Variants in PRPF3 observed in about 807,000 individuals in gnomAD.
PRPF3 encodes the protein pre-mRNA processing factor 3, also known as U4/U6 small nuclear ribonucleoprotein Prp3.
PRPF3 carries 3 observed loss-of-function variants against 89.2 expected under a neutral mutation model. The observed-to-expected ratio is 0.03, with a 90% CI of 0.02 to 0.09. The LOEUF (loss-of-function observed/expected upper bound fraction) is 0.09. Ranked by LOEUF, PRPF3 falls within the 10% of genes least tolerant of loss-of-function variation. The pLI is 1.00. For missense variants in PRPF3, 463 were observed against 828.8 expected (o/e 0.56, Z 5.42); for synonymous variants, 270 against 289.1 (o/e 0.93, Z 0.67).
Position 150,338,265 on chromosome 1 carries a change from G to A in PRPF3, c.1141G>A (p.Glu381Lys). 1.2e-6 allele frequency: 2 copies of A among 1,614,068 alleles called. No homozygotes were observed. Among genetic ancestry groups the A allele is most frequent in the African/African-American group, 1.3e-5 (1 of 75,030 alleles). ...CATTGCTCCTAAGAAGGAGCTAAAG[G>A]AAGGAGATATTCCTGAAATTGAGTG... is the stretch of plus-strand genomic sequence containing the variant. ...ALIAPKKELK[E>K]GDIPEIEWWD... The change falls in exon 8 of 16, where the codon GAA becomes AAA. Residue 381 changes from glutamate (E) to lysine (K), a missense_variant. This residue lies in a region of PRPF3 where 261 missense variants were observed against 475.8 expected (regional missense o/e 0.55). Transcript: ENST00000324862.
chr1:150,325,940 C>A, intron 3 of PRPF3, 59 bp downstream of exon 3: 1 of 1,592,630 alleles, frequency 6.3e-7, no homozygotes. Flanking sequence ...AACAGAGTTG[C>A]TGAGCTTACC....
Position 150,324,874 on chromosome 1 carries a change from TTG to T in PRPF3, c.-48-19_-48-18del. ...CTTTAGTCTTTTCTTATTCTCTAAC[TTG>T]TCTCTTTTTTTTTTTTAGGTGTAGT... On this transcript the variant is annotated intron_variant, in intron 1 of 15. Coordinates refer to ENST00000324862, the MANE Select transcript of PRPF3 (RefSeq NM_004698.4). 1.6e-6 allele frequency: 2 copies of T among 1,256,364 alleles called. No individual in the cohort carries two copies. Among genetic ancestry groups the T allele is most frequent in the Non-Finnish European group, 2.1e-6 (2 of 940,568 alleles). 77.8% of individuals were successfully genotyped at this position (1,256,364 alleles called of 1,614,324 possible). A position where few individuals can be genotyped will look rare whatever the true frequency, so the allele number is the denominator to read the frequency against.
chr1:150,349,085 G>T, intron 14 of PRPF3, 72 bp from the exon 15 acceptor site: 1 of 1,198,592 alleles, frequency 8.3e-7, no homozygotes, highest in Non-Finnish European at 1.2e-6. Context: ...TAGAGAGTTT[G>T]GGTAGACTTG....
Position 150,337,846 on chromosome 1 carries a change from G to A in PRPF3, c.1036-314G>A, listed in dbSNP as rs376017110. Among the ~76,000 whole-genome samples, 12 of 152,028 alleles carry A rather than the reference G, an allele frequency of 7.9e-5. No homozygotes were observed. In the East Asian group the frequency reaches 1.2e-3, roughly 15 times the overall value. ...TCCCATCACTTTGGGAGGCCGAGGC[G>A]GGCAGATCACCTGAGGTCGGGAGTT... On this transcript the variant is annotated intron_variant, in intron 7 of 15. Transcript: ENST00000324862.
intron 14 of PRPF3, among the ~76,000 whole-genome samples, chr1:150,348,312 G>A (rs1177010324): frequency 6.6e-6 from 1 of 151,692 alleles, no homozygotes; most frequent in Non-Finnish European, 1.5e-5. Flanking sequence ...CCCAGGAAGC[G>A]GTTGCAGTGA....
chr1:150,346,936 C>A (rs997203015), intron 14 of PRPF3, among the ~76,000 whole-genome samples: 7 of 151,934 alleles, frequency 4.6e-5, no homozygotes, highest in Admixed American at 2.6e-4. Flanking sequence ...ACAAAAAGTA[C>A]AAAAATTAGC....
At chr1:150,340,843 C>T (rs1283408782) in intron 9 of PRPF3, among the ~76,000 whole-genome samples, 4 of 152,138 alleles carry the variant, frequency 2.6e-5, no homozygotes, top group South Asian at 2.1e-4. Context: ...GGTATGGTGG[C>T]TTATGCCTGT....
chr1:150,353,126 C>A lies in PRPF3; in HGVS notation c.*147C>A. 2 of 1,061,528 alleles carry A rather than the reference C, an allele frequency of 1.9e-6. No homozygotes were observed. The highest frequency in any genetic ancestry group is 1.8e-5 in the Admixed American group (1 of 55,378). 65.8% of individuals were successfully genotyped at this position (1,061,528 alleles called of 1,614,324 possible). A position where few individuals can be genotyped will look rare whatever the true frequency, so the allele number is the denominator to read the frequency against. On this transcript the variant is annotated 3_prime_UTR_variant, in exon 16 of 16. Transcript: ENST00000324862. ...GGGACAAAGGGAGAATATCTTGCTC[C>A]CCTCCTGAGTCAGCCTGGTGTTGCC...
chr1:150,325,233 C>G, intron 2 of PRPF3, 146 bp downstream of exon 2: 1 of 874,860 alleles, frequency 1.1e-6, no homozygotes, highest in South Asian at 1.8e-5. Context: ...TGAAAATAGG[C>G]TAAATAATAA....
intron 9 of PRPF3, among the ~76,000 whole-genome samples, chr1:150,341,817 C>T (rs1657771338): frequency 6.6e-6 from 1 of 151,344 alleles, no homozygotes; most frequent in Admixed American, 6.6e-5. Context: ...TATTCTCCGG[C>T]CTTAGCCTCC....
intron 7 of PRPF3, among the ~76,000 whole-genome samples, chr1:150,337,163 T>C (rs2794615): frequency 0.67 from 101,517 of 151,002 alleles, 34,771 homozygotes; most frequent in African/African-American, 0.81. Flanking sequence ...CTCAGCCTGC[T>C]GAGTAGCTGG....
intron 1 of PRPF3, among the ~76,000 whole-genome samples, chr1:150,323,463 G>A (rs112859551): frequency 0.013 from 1,951 of 151,776 alleles, 42 homozygotes; most frequent in African/African-American, 0.041. Flanking sequence ...TGGTGAAACC[G>A]TGTCTTTATT....
intron 9 of PRPF3, among the ~76,000 whole-genome samples, chr1:150,341,726 G>C (rs1298999835): frequency 7.1e-6 from 1 of 139,898 alleles, no homozygotes; most frequent in Non-Finnish European, 1.5e-5. Context: ...TTTTGAGTTG[G>C]AGTTTCGCTT....
At chr1:150,344,588 T>G in intron 12 of PRPF3, 41 bp downstream of exon 12, 1 of 1,600,556 alleles carries the variant, frequency 6.2e-7, no homozygotes, top group East Asian at 2.2e-5. Context: ...TTAGAATTAC[T>G]AAAACATTTT....
At chr1:150,351,550 G>T (rs782261627) in intron 15 of PRPF3, among the ~76,000 whole-genome samples, 33 of 151,186 alleles carry the variant, frequency 2.2e-4, no homozygotes, top group Non-Finnish European at 4.3e-4. Context: ...GCTCAGGCTG[G>T]TGTGCAGTGG....
intron 1 of PRPF3, among the ~76,000 whole-genome samples, chr1:150,324,625 G>C (rs930171956): frequency 1.2e-4 from 18 of 148,814 alleles, no homozygotes; most frequent in African/African-American, 4.5e-4. Flanking sequence ...ATTTTGACTT[G>C]TTGCAAGCTC....
chr1:150,340,469 A>G lies in PRPF3; in HGVS notation c.1274A>G (p.Asn425Ser), dbSNP rs782280585. 14 of 1,596,902 alleles carry G rather than the reference A, an allele frequency of 8.8e-6. No homozygotes were observed. Among genetic ancestry groups the G allele is most frequent in the East Asian group, 2.2e-5 (1 of 44,814 alleles). Residue 425 changes from asparagine to serine, a missense_variant, in exon 9 of 16, where the codon AAT becomes AGT. By Grantham distance (46) the Asn-to-Ser change is conservative. Transcript: ENST00000324862. ...TNLVEHPAQL[N>S]PPVDNDTPVT... The stretch of plus-strand genomic sequence containing the variant: ...CTTGTTGAACATCCAGCCCAGCTCA[A>G]TCCTCCAGGTAATGTATAGATTCCT...
chr1:150,351,379 G>T (rs1017054325), intron 15 of PRPF3, among the ~76,000 whole-genome samples: 1 of 151,986 alleles, frequency 6.6e-6, no homozygotes, highest in Non-Finnish European at 1.5e-5. Context: ...AAAAAAAAAG[G>T]TTTTCATGTA....
Position 150,338,208 on chromosome 1 carries a change from A to G in PRPF3, c.1084A>G (p.Thr362Ala). ...AGAGATTTCACAAGCAGCTCGAAAAACAGGCATCCATACTTCGACTAGGCT... is the reference window on the plus strand; with the variant it reads ...AGAGATTTCACAAGCAGCTCGAAAAGCAGGCATCCATACTTCGACTAGGCT... ...QAEISQAARK[T>A]GIHTSTRLAL... Residue 362 changes from threonine (T) to alanine (A), a missense_variant, in exon 8 of 16, where the codon ACA becomes GCA. By Grantham distance (58) the Thr-to-Ala change is moderately conservative. Around this residue, in one of 8 missense-constraint regions of PRPF3, gnomAD observed 261 missense variants for 475.8 expected, o/e 0.55. Coordinates refer to ENST00000324862, the MANE Select transcript of PRPF3 (RefSeq NM_004698.4). The G allele has an allele frequency of 6.2e-7, 1 of 1,614,164 alleles. No homozygotes were observed. Among genetic ancestry groups the G allele is most frequent in the Non-Finnish European group, 8.5e-7 (1 of 1,180,028 alleles).
Sources: allele counts gnomAD v4.1 joint callset (sites outside exome capture counted in the v4.1 genomes callset), GRCh38; gene constraint gnomAD v4.1.1; regional missense constraint gnomAD v4.1.1; transcripts MANE v1.5; gene names NCBI Gene and HGNC (gene_info 2026-07-23, HGNC 2026-07-21).